H3-7: variants seen among roughly 807,000 people sequenced by gnomAD.
H3-7 encodes H3.7 histone (putative), also known as histone H3-7.
chr1:143,905,724 C>T, the H3-7 span: 6 of 1,581,962 alleles, frequency 3.8e-6, no homozygotes, highest in East Asian at 2.3e-5. Context: ...AGCGCAGGTC[C>T]GTCTTAAACT....
chr1:143,903,287 G>A, the H3-7 span, among the ~76,000 whole-genome samples: 2 of 104,058 alleles, frequency 1.9e-5, no homozygotes, highest in Admixed American at 9.7e-5. Context: ...GTATTTTCCT[G>A]TGGAGAAGGA....
the H3-7 span, chr1:143,905,598 C>G: frequency 2.5e-6 from 4 of 1,582,350 alleles, no homozygotes; most frequent in Non-Finnish European, 3.5e-6. Flanking sequence ...ACTGGATGTC[C>G]TTGGGCATGA....
chr1:143,905,739 C>T, the H3-7 span: 269 of 1,581,614 alleles, frequency 1.7e-4, 37 homozygotes, highest in Non-Finnish European at 2.2e-4. Flanking sequence ...TAAACTCCTG[C>T]GCGATCTCGC....
At chr1:143,904,305 C>T in the H3-7 span, 4 of 1,583,518 alleles carry the variant, frequency 2.5e-6, no homozygotes, top group South Asian at 1.1e-5. Context: ...CAGCAGCAGG[C>T]GCACGGCCGT....
At chr1:143,904,657 A>T in the H3-7 span, 1 of 1,553,434 alleles carries the variant, frequency 6.4e-7, no homozygotes, top group Non-Finnish European at 8.8e-7. Flanking sequence ...AACTACCGCA[A>T]AACGGGCTGG....
At chr1:143,904,129 A>T in the H3-7 span, 2 of 968,236 alleles carry the variant, frequency 2.1e-6, no homozygotes, top group South Asian at 1.6e-5. Context: ...AAACGCTCTG[A>T]CAAGTGTTTA....
At chr1:143,904,463 C>T in the H3-7 span, 14 of 1,595,852 alleles carry the variant, frequency 8.8e-6, 2 homozygotes, top group Non-Finnish European at 4.3e-6. Flanking sequence ...GGTGGACCTG[C>T]TTCAGCACCT....
At chr1:143,905,514 G>A in the H3-7 span, 11 of 1,395,474 alleles carry the variant, frequency 7.9e-6, no homozygotes, top group South Asian at 1.3e-5. Flanking sequence ...AACGGCAGTG[G>A]CTCTGAAAAG....
chr1:143,905,391 C>T, the H3-7 span: 508 of 594,934 alleles, frequency 8.5e-4, 59 homozygotes, highest in South Asian at 0.01. Context: ...GGCCAACTCA[C>T]GGCTGGGCTT....
chr1:143,904,043 TA>T, the H3-7 span, among the ~76,000 whole-genome samples: 1 of 144,702 alleles, frequency 6.9e-6, no homozygotes, highest in Non-Finnish European at 1.5e-5. Flanking sequence ...ATTACAGGAC[TA>T]CAGGAAACTC....
chr1:143,903,186 C>T, the H3-7 span, among the ~76,000 whole-genome samples: 2 of 132,290 alleles, frequency 1.5e-5, 1 homozygote, highest in Non-Finnish European at 3.2e-5. Flanking sequence ...AGCGAGACTC[C>T]GTCTCAAAAA....
chr1:143,905,745 C>A, the H3-7 span: 25 of 1,581,842 alleles, frequency 1.6e-5, 3 homozygotes, highest in Admixed American at 3.7e-4. Flanking sequence ...CCTGCGCGAT[C>A]TCGCGTACCA....
the H3-7 span, chr1:143,904,443 C>T: frequency 6.3e-7 from 1 of 1,585,850 alleles, no homozygotes; most frequent in Non-Finnish European, 8.6e-7. Context: ...GGACGAGATG[C>T]CGGTGTCGGG....
chr1:143,904,635 A>G, the H3-7 span: 2 of 1,578,822 alleles, frequency 1.3e-6, no homozygotes, highest in Admixed American at 1.7e-5. Context: ...AGAGACTTAA[A>G]GAAGTAATCC....
At chr1:143,904,394 G>T in the H3-7 span, 1 of 1,582,962 alleles carries the variant, frequency 6.3e-7, no homozygotes, top group East Asian at 2.3e-5. Context: ...TGCGCTCGAA[G>T]ATGTCGTTGA....
At chr1:143,903,254 A>G in the H3-7 span, among the ~76,000 whole-genome samples, 4 of 118,796 alleles carry the variant, frequency 3.4e-5, no homozygotes, top group East Asian at 1.0e-3. Flanking sequence ...TGGAACCAAG[A>G]CAGGGTTCTT....
the H3-7 span, chr1:143,905,409 T>C: frequency 1.5e-6 from 1 of 646,402 alleles, no homozygotes; most frequent in Non-Finnish European, 2.6e-6. Context: ...CTTTGGGTTC[T>C]GTAACGTCAC....
chr1:143,905,675 C>A, the H3-7 span: 1 of 1,583,050 alleles, frequency 6.3e-7, no homozygotes, highest in Non-Finnish European at 8.7e-7. Flanking sequence ...AGGTAGGCCT[C>A]TCTGGCCTCC....
chr1:143,902,809 T>C, the H3-7 span, among the ~76,000 whole-genome samples: 2 of 145,574 alleles, frequency 1.4e-5, no homozygotes, highest in African/African-American at 2.5e-5. Flanking sequence ...TCCACACTCC[T>C]GAGAACACTA....
Sources: allele counts gnomAD v4.1 joint callset (sites outside exome capture counted in the v4.1 genomes callset), GRCh38; gene constraint gnomAD v4.1.1; transcripts MANE v1.5; gene names NCBI Gene and HGNC (gene_info 2026-07-23, HGNC 2026-07-21).